MCTP1: variants seen among roughly 807,000 people sequenced by gnomAD.
MCTP1 encodes multiple C2 and transmembrane domain-containing protein 1.
Under a neutral mutation model 120.6 loss-of-function variants are expected in MCTP1, and 69 were observed. The ratio of observed to expected loss-of-function variants is 0.57; its 90% confidence interval spans 0.47 to 0.70. The LOEUF is 0.70. Among genes scored for constraint, MCTP1 ranks in the 30% least tolerant of loss-of-function variants. The pLI is 0.00. For missense variants in MCTP1, 1,203 were observed against 1,248.8 expected (o/e 0.96, Z 0.55); for synonymous variants, 529 against 493.1 (o/e 1.07, Z -0.96).
intron 1 of MCTP1, chr5:95,154,206 A>C (rs76290945): frequency 1.3e-5 from 2 of 152,122 alleles, no homozygotes; most frequent in African/African-American, 4.8e-5. Context: ...TATTTCACAC[A>C]CTGTTTCCTC....
At chr5:94,908,713 T>G (rs186892302) in intron 10 of MCTP1, among the ~76,000 whole-genome samples, 2 of 152,108 alleles carry the variant, frequency 1.3e-5, no homozygotes, top group South Asian at 2.1e-4. Context: ...AAAAATGTCA[T>G]GTAAGCCTCA....
chr5:94,829,771 G>C (rs535702443), intron 17 of MCTP1, among the ~76,000 whole-genome samples: 2 of 152,318 alleles, frequency 1.3e-5, no homozygotes, highest in Admixed American at 6.5e-5. Flanking sequence ...GACAGAGATG[G>C]AATGTGTTCA....
At chr5:94,845,846 C>T (rs1792206299) in intron 17 of MCTP1, among the ~76,000 whole-genome samples, 2 of 152,156 alleles carry the variant, frequency 1.3e-5, no homozygotes, top group African/African-American at 4.8e-5. Context: ...GCACCACACC[C>T]AGCTGCAAAC....
intron 16 of MCTP1, among the ~76,000 whole-genome samples, chr5:94,868,714 T>G (rs1165678190): frequency 2.0e-5 from 3 of 151,968 alleles, no homozygotes; most frequent in South Asian, 4.1e-4. Context: ...AAAAAAAATT[T>G]CTAACAGACT....
At chr5:94,991,224 C>T (rs1831495958) in intron 2 of MCTP1, among the ~76,000 whole-genome samples, 1 of 152,050 alleles carries the variant, frequency 6.6e-6, no homozygotes, top group Non-Finnish European at 1.5e-5. Flanking sequence ...TGATACTGTG[C>T]CTTAATGTAT....
chr5:94,944,081 A>G (rs1184729091), intron 3 of MCTP1, among the ~76,000 whole-genome samples: 4 of 152,076 alleles, frequency 2.6e-5, no homozygotes, highest in African/African-American at 9.7e-5. Context: ...GGTGTACTTC[A>G]ATTTAAGAAA....
intron 1 of MCTP1, among the ~76,000 whole-genome samples, chr5:95,256,923 TTC>T (rs780207817): frequency 1.3e-5 from 2 of 152,236 alleles, no homozygotes; most frequent in Non-Finnish European, 2.9e-5. Context: ...TATGTTTACA[TTC>T]TATTCATGAC....
At chr5:95,136,875 G>T (rs1759491393) in intron 1 of MCTP1, among the ~76,000 whole-genome samples, 1 of 152,132 alleles carries the variant, frequency 6.6e-6, no homozygotes, top group South Asian at 2.1e-4. Context: ...AGTCAACAAA[G>T]AGTAACTTCA....
chr5:95,243,209 T>A (rs1756366888), intron 1 of MCTP1, among the ~76,000 whole-genome samples: 1 of 152,054 alleles, frequency 6.6e-6, no homozygotes, highest in Non-Finnish European at 1.5e-5. Flanking sequence ...AAGATGAGAC[T>A]GATTTAAAAT....
intron 17 of MCTP1, among the ~76,000 whole-genome samples, chr5:94,799,407 C>T (rs1007975215): frequency 1.3e-5 from 2 of 152,022 alleles, no homozygotes; most frequent in Non-Finnish European, 2.9e-5. Flanking sequence ...TTTTCTCCTC[C>T]AGTGAAATTA....
chr5:94,885,320 G>C (rs929815609), intron 12 of MCTP1, among the ~76,000 whole-genome samples: 2 of 150,704 alleles, frequency 1.3e-5, no homozygotes, highest in Admixed American at 6.6e-5. Context: ...AAAAAACAGA[G>C]AGAAAGAGAG....
chr5:95,050,293 T>A (rs1745561812), intron 1 of MCTP1, among the ~76,000 whole-genome samples: 1 of 152,228 alleles, frequency 6.6e-6, no homozygotes, highest in Admixed American at 6.5e-5. Flanking sequence ...AACGTTTTTG[T>A]GTAAGCATTT....
chr5:95,132,782 T>C (rs1028742006), intron 1 of MCTP1, among the ~76,000 whole-genome samples: 14 of 152,210 alleles, frequency 9.2e-5, no homozygotes, highest in Non-Finnish European at 1.2e-4. Flanking sequence ...TTTGGCTTTG[T>C]AGCATGTATC....
At chr5:94,873,291 T>C (rs765189203) in intron 12 of MCTP1, 50 bp from the exon 13 acceptor site, 1 of 1,041,864 alleles carries the variant, frequency 9.6e-7, no homozygotes, top group South Asian at 1.3e-5. Flanking sequence ...CACCCACAGT[T>C]CACAGTGTCA....
intron 1 of MCTP1, among the ~76,000 whole-genome samples, chr5:95,028,576 A>C (rs1298762523): frequency 6.6e-6 from 1 of 152,180 alleles, no homozygotes; most frequent in Non-Finnish European, 1.5e-5. Flanking sequence ...TCTGTGTGGC[A>C]TTGCTTCATT....
intron 1 of MCTP1, among the ~76,000 whole-genome samples, chr5:95,112,804 A>G (rs1757556402): frequency 6.6e-6 from 1 of 152,222 alleles, no homozygotes; most frequent in South Asian, 2.1e-4. Flanking sequence ...GACAGAGAAC[A>G]TGGAAGATGC....
chr5:94,937,047 G>T (rs559485674), intron 5 of MCTP1, among the ~76,000 whole-genome samples: 1 of 152,056 alleles, frequency 6.6e-6, no homozygotes, highest in Non-Finnish European at 1.5e-5. Context: ...AGGACAGGAA[G>T]TACAAGGATG....
chr5:94,818,497 C>T (rs758887773), intron 17 of MCTP1, among the ~76,000 whole-genome samples: 7 of 152,152 alleles, frequency 4.6e-5, no homozygotes, highest in Non-Finnish European at 7.4e-5. Flanking sequence ...TCACTCTTCT[C>T]GAACACCATC....
rs949301050 is a variant in MCTP1 at position 94,706,387 on chromosome 5, AC to A, written c.*1108del. ...TGAAACATTGATAAAGGCAACCACCACCCCCAAGCAGTTTATTTTATTTTAC... is the reference window on the plus strand; with the variant it reads ...TGAAACATTGATAAAGGCAACCACCACCCCAAGCAGTTTATTTTATTTTAC... On this transcript the variant is annotated 3_prime_UTR_variant, in exon 23 of 23. Coordinates refer to ENST00000515393, the MANE Select transcript of MCTP1 (RefSeq NM_024717.7). The A allele has an allele frequency of 6.6e-6, 1 of 150,964 alleles. No individual in the cohort carries two copies. Among genetic ancestry groups the A allele is most frequent in the Non-Finnish European group, 1.5e-5 (1 of 67,644 alleles). 9.4% of individuals were successfully genotyped at this position (150,964 alleles called of 1,614,324 possible).
Sources: allele counts gnomAD v4.1 joint callset (sites outside exome capture counted in the v4.1 genomes callset), GRCh38; gene constraint gnomAD v4.1.1; transcripts MANE v1.5; gene names NCBI Gene and HGNC (gene_info 2026-07-23, HGNC 2026-07-21).